The following PEX7 variants were observed in gnomAD, a reference collection of about 807,000 sequenced individuals.
The protein encoded by PEX7 is PTS2 receptor.
In PEX7, 34 loss-of-function variants were observed where a neutral mutation model predicts 47.5. That is an observed-to-expected ratio of 0.72 (90% confidence interval 0.54 to 0.95). The LOEUF is 0.95. Ranked by LOEUF, PEX7 falls within the 40% of genes least tolerant of loss-of-function variation. The pLI, the probability that PEX7 is intolerant of heterozygous loss-of-function variation, is 0.00. For synonymous variants in PEX7, 141 were observed against 148.8 expected (o/e 0.95, Z 0.38); for missense variants, 394 against 400.3 (o/e 0.98, Z 0.13).
chr6:136,841,914 A>AG (rs1197007429), intron 3 of PEX7, among the ~76,000 whole-genome samples: 1 of 150,806 alleles, frequency 6.6e-6, no homozygotes, highest in African/African-American at 2.4e-5. Context: ...ATTAAAAAAA[A>AG]AAACCCACAC....
intron 8 of PEX7, among the ~76,000 whole-genome samples, chr6:136,887,450 A>G (rs966839325): frequency 1.3e-5 from 2 of 152,190 alleles, no homozygotes; most frequent in African/African-American, 2.4e-5. Flanking sequence ...ATTCCCATAT[A>G]TATTCTTCAG....
intron 5 of PEX7, among the ~76,000 whole-genome samples, chr6:136,858,626 G>A (rs1302024811): frequency 2.0e-5 from 3 of 152,206 alleles, no homozygotes; most frequent in Non-Finnish European, 2.9e-5. Context: ...CCCAATTTGG[G>A]AAGCACTGTA....
chr6:136,837,317 G>A (rs147831700), intron 3 of PEX7, among the ~76,000 whole-genome samples: 2,440 of 125,756 alleles, frequency 0.019, 70 homozygotes, highest in African/African-American at 0.071. Flanking sequence ...CGCCAAGATC[G>A]CGCCACTGCA....
chr6:136,856,612 C>CA (rs1430457873), intron 5 of PEX7, among the ~76,000 whole-genome samples: 7 of 152,178 alleles, frequency 4.6e-5, no homozygotes, highest in Non-Finnish European at 7.3e-5. Context: ...TGTTCCTGAA[C>CA]TAATCACTGT....
rs148442439 is a variant in PEX7 at position 136,891,782 on chromosome 6, A to C, written c.804-6360A>C. ...CAGCCTCCCAAGTAGCTGGGACTGT[A>C]GACATCCACCACCATCCATGCCTGG... On this transcript the variant is annotated intron_variant, in intron 8 of 9. Transcript: ENST00000318471. Among the ~76,000 whole-genome samples, 1,063 of 151,978 alleles carry C rather than the reference A, an allele frequency of 7.0e-3. 11 individuals carry two copies. Among genetic ancestry groups the C allele is most frequent in the African/African-American group, 0.025 (1,019 of 41,466 alleles).
In PEX7 at chr6:136,826,403, G is replaced by C. The variant is rs532273900; in HGVS notation, c.273G>C (p.Ser91=). Reference sequence around the variant, plus strand: ...TCATCACCTGTAGTGGCGATGGCTCGCTGCAGCTCTGGGACACTGCCAAAG... The same window carrying C: ...TCATCACCTGTAGTGGCGATGGCTCCCTGCAGCTCTGGGACACTGCCAAAG... ...HVLITCSGDG[S]LQLWDTAKAA... is the part of the protein sequence containing the mutation. Residue 91 remains serine, a synonymous_variant, in exon 3 of 10, where the codon TCG becomes TCC. Transcript: ENST00000318471. 6.2e-7 allele frequency: 1 copy of C among 1,613,854 alleles called. No individual in the cohort carries two copies. The highest frequency in any genetic ancestry group is 8.5e-7 in the Non-Finnish European group (1 of 1,179,996).
intron 8 of PEX7, among the ~76,000 whole-genome samples, chr6:136,880,594 G>A (rs1165994543): frequency 6.6e-6 from 1 of 152,204 alleles, no homozygotes; most frequent in Non-Finnish European, 1.5e-5. Flanking sequence ...AAGTTTGGAT[G>A]TGTGGAAGAC....
At chr6:136,893,390 TCAA>T (rs1775591041) in intron 8 of PEX7, among the ~76,000 whole-genome samples, 2 of 152,322 alleles carry the variant, frequency 1.3e-5, no homozygotes, top group Admixed American at 1.3e-4. Flanking sequence ...GGCTAACTCC[TCAA>T]CCTTCAGATC....
chr6:136,871,979 T>C (rs1350590571), intron 7 of PEX7, among the ~76,000 whole-genome samples: 1 of 131,708 alleles, frequency 7.6e-6, no homozygotes, highest in Non-Finnish European at 1.7e-5. Flanking sequence ...TAATTTTCTT[T>C]GGAGAATGTA....
At chr6:136,826,493 T>G in intron 3 of PEX7, 24 bp downstream of exon 3, 1 of 1,613,788 alleles carries the variant, frequency 6.2e-7, no homozygotes, top group Non-Finnish European at 8.5e-7. Context: ...CTTTCTGGGC[T>G]GATTATTTTT....
intron 9 of PEX7, among the ~76,000 whole-genome samples, chr6:136,911,471 T>C (rs1775931511): frequency 6.6e-6 from 1 of 152,130 alleles, no homozygotes; most frequent in Non-Finnish European, 1.5e-5. Flanking sequence ...AGTGGCATGA[T>C]CTCGGCTCAC....
chr6:136,828,316 A>C (rs1192708031), intron 3 of PEX7, among the ~76,000 whole-genome samples: 1 of 152,210 alleles, frequency 6.6e-6, no homozygotes, highest in Non-Finnish European at 1.5e-5. Context: ...TCTCTGGAAA[A>C]TACTGTTCTA....
intron 3 of PEX7, among the ~76,000 whole-genome samples, chr6:136,840,884 G>T (rs954533220): frequency 6.6e-6 from 1 of 152,022 alleles, no homozygotes; most frequent in South Asian, 2.1e-4. Flanking sequence ...TCAAGTCTCT[G>T]CACAGAGAGG....
intron 8 of PEX7, among the ~76,000 whole-genome samples, chr6:136,878,248 A>T (rs1396055991): frequency 6.6e-6 from 1 of 152,218 alleles, no homozygotes; most frequent in Non-Finnish European, 1.5e-5. Context: ...TGTCATCTGC[A>T]AACACAGACG....
Position 136,822,925 on chromosome 6 carries a change from CAGA to C in PEX7, c.130+134_130+136del, listed in dbSNP as rs1371966496. On this transcript the variant is annotated intron_variant, in intron 1 of 9. Transcript: ENST00000318471. Reference sequence around the variant, plus strand: ...GGTTCCGCGGGTCCACGCCAGGGGGCAGAAGAGGCGCTGGTCGGCGCTTCTCCT... The same window carrying C: ...GGTTCCGCGGGTCCACGCCAGGGGGCAGAGGCGCTGGTCGGCGCTTCTCCT... 8.3e-6 allele frequency: 10 copies of C among 1,210,232 alleles called. No individual in the cohort carries two copies. In the African/African-American group the frequency reaches 1.6e-4, roughly 19 times the overall value. 75.0% of individuals were successfully genotyped at this position (1,210,232 alleles called of 1,614,324 possible).
At position 136,869,930 on chromosome 6, in the gene PEX7, G is replaced by C; in HGVS notation, c.674G>C (p.Gly225Ala). 6.2e-7 allele frequency: 1 copy of C among 1,614,094 alleles called. No homozygotes were observed. The highest frequency in any genetic ancestry group is 8.5e-7 in the Non-Finnish European group (1 of 1,180,000). The change falls in exon 7 of 10, where the codon GGC (glycine) becomes GCC (alanine). Residue 225 changes from glycine to alanine, a missense_variant. Coordinates refer to ENST00000318471, the MANE Select transcript of PEX7 (RefSeq NM_000288.4). Reference protein sequence around the residue: ...VTGAVDCSLRGWDLRNVRQPV... With the variant: ...VTGAVDCSLRAWDLRNVRQPV... ...GGGGCGGTTGACTGTAGTTTGAGAG[G>C]CTGGGACTTAAGGAATGTACGACAA...
chr6:136,866,737 T>C lies in PEX7; in HGVS notation c.633+4T>C. On this transcript the variant is annotated splice_donor_region_variant and intron_variant, in intron 6 of 9. Coordinates refer to ENST00000318471, the MANE Select transcript of PEX7 (RefSeq NM_000288.4). ...TGACTGGTGTAAATACAATGAGGTA[T>C]AGTGTATGGCTCTATCCTATGCTGC... 1.9e-6 allele frequency: 3 copies of C among 1,602,286 alleles called. No individual in the cohort carries two copies. The highest frequency in any genetic ancestry group is 1.3e-5 in the African/African-American group (1 of 74,766).
At chr6:136,872,074 A>C in intron 7 of PEX7, 124 bp from the exon 8 acceptor site, 1 of 845,024 alleles carries the variant, frequency 1.2e-6, no homozygotes, top group Non-Finnish European at 1.8e-6. Context: ...AAAAAGCATA[A>C]TTTTAAGTGA....
chr6:136,866,645 T>G lies in PEX7; in HGVS notation c.545T>G (p.Ile182Arg). The change falls in exon 6 of 10, where the codon ATA (isoleucine) becomes AGA (arginine). Residue 182 changes from isoleucine to arginine, a missense_variant. Physicochemically the swap from Ile to Arg is moderately conservative, Grantham distance 97. Transcript: ENST00000318471. ...ASASGDQTLR[I>R]WDVKAAGVRI... ...TTACTAGGTGATCAGACTCTGAGAA[T>G]ATGGGATGTGAAGGCAGCAGGAGTA... is the stretch of plus-strand genomic sequence containing the variant. 1 of 1,614,008 alleles carries G rather than the reference T, an allele frequency of 6.2e-7. No individual in the cohort carries two copies. Among genetic ancestry groups the G allele is most frequent in the Non-Finnish European group, 8.5e-7 (1 of 1,179,938 alleles).
Sources: gnomAD v4.1 joint callset for allele counts (sites outside exome capture counted in the v4.1 genomes callset) on GRCh38, gnomAD v4.1.1 for gene constraint, MANE v1.5 for transcripts, NCBI Gene and HGNC (gene_info 2026-07-23, HGNC 2026-07-21) for gene names.